The following CUL1 variants were observed in gnomAD, a reference collection of about 807,000 sequenced individuals.
CUL1 encodes cullin 1.
Under a neutral mutation model 118.0 loss-of-function variants are expected in CUL1, and 24 were observed. The ratio of observed to expected loss-of-function variants is 0.20; its 90% confidence interval spans 0.15 to 0.29. CUL1 has a LOEUF of 0.29. Ranked by LOEUF, CUL1 falls within the 10% of genes least tolerant of loss-of-function variation. The pLI is 1.00. For synonymous variants in CUL1, 332 were observed against 340.4 expected (o/e 0.98, Z 0.27); for missense variants, 361 against 933.8 (o/e 0.39, Z 7.99).
At chr7:148,749,640 CTCTT>C (rs1421116868) in intron 2 of CUL1, among the ~76,000 whole-genome samples, 5 of 152,138 alleles carry the variant, frequency 3.3e-5, no homozygotes, top group African/African-American at 9.7e-5. Flanking sequence ...TCCCCCATCT[CTCTT>C]TGGCCTTCCT....
At chr7:148,792,185 C>CAA (rs11340035) in intron 16 of CUL1, among the ~76,000 whole-genome samples, 2 of 143,724 alleles carry the variant, frequency 1.4e-5, no homozygotes, top group Non-Finnish European at 3.1e-5. Flanking sequence ...GACTTTGTCT[C>CAA]AAAAAAAAAA....
chr7:148,764,305 G>C (rs1324235708), intron 7 of CUL1, among the ~76,000 whole-genome samples: 1 of 152,190 alleles, frequency 6.6e-6, no homozygotes, highest in Non-Finnish European at 1.5e-5. Flanking sequence ...GAGCCTATTT[G>C]ACTTGGAATC....
At chr7:148,759,146 A>G (rs1431165356) in intron 4 of CUL1, among the ~76,000 whole-genome samples, 158 bp from the exon 5 acceptor site, 2 of 152,254 alleles carry the variant, frequency 1.3e-5, no homozygotes, top group African/African-American at 2.4e-5. Flanking sequence ...TGTTGACTCT[A>G]GAGAGTGGCT....
At chr7:148,725,219 G>GCGCACGCGCGCACACACACACACACACA in intron 1 of CUL1, among the ~76,000 whole-genome samples, 49 of 140,140 alleles carry the variant, frequency 3.5e-4, no homozygotes, top group African/African-American at 1.3e-3. Context: ...ACACGCGCGC[G>GCGCACGCGCGCACACACACACACACACA]CTCACACACA....
intron 2 of CUL1, among the ~76,000 whole-genome samples, chr7:148,739,344 CTG>C (rs1272811013): frequency 6.6e-6 from 1 of 152,204 alleles, no homozygotes; most frequent in African/African-American, 2.4e-5. Context: ...GAAGCTAAGA[CTG>C]TGTGTCATCA....
intron 3 of CUL1, among the ~76,000 whole-genome samples, chr7:148,755,933 C>A (rs889306796): frequency 1.3e-5 from 2 of 152,200 alleles, no homozygotes; most frequent in Non-Finnish European, 2.9e-5. Context: ...GTGGGCTCGC[C>A]CCAGCCCTTC....
In CUL1 at chr7:148,699,807, C is replaced by G. The variant is rs371674961; in HGVS notation, c.-162+778C>G. Among the ~76,000 whole-genome samples the G allele has an allele frequency of 3.9e-5, 6 of 152,190 alleles. No individual in the cohort carries two copies. The East Asian group carries it at 9.7e-4, about 25-fold the overall frequency. On this transcript the variant is annotated intron_variant, in intron 1 of 21. Coordinates refer to ENST00000325222, the MANE Select transcript of CUL1 (RefSeq NM_003592.3). Reference sequence around the variant, plus strand: ...CGGGCCGGGCCCTGCGCTGCGGCCTCGGCGCGCCCCCGGTCCCAACGGGAG... The same window carrying G: ...CGGGCCGGGCCCTGCGCTGCGGCCTGGGCGCGCCCCCGGTCCCAACGGGAG...
chr7:148,699,649 G>A (rs561186461), intron 1 of CUL1, among the ~76,000 whole-genome samples: 1 of 152,178 alleles, frequency 6.6e-6, no homozygotes, highest in Non-Finnish European at 1.5e-5. Context: ...AACGTGCAGG[G>A]CGCTATTATT....
intron 9 of CUL1, among the ~76,000 whole-genome samples, chr7:148,782,053 A>G (rs751261886): frequency 1.3e-5 from 2 of 152,190 alleles, no homozygotes; most frequent in Non-Finnish European, 2.9e-5. Flanking sequence ...TAGCGTTTCT[A>G]GCATTTTCCA....
intron 2 of CUL1, among the ~76,000 whole-genome samples, chr7:148,738,005 C>T (rs547640932): frequency 5.6e-4 from 85 of 152,278 alleles, no homozygotes; most frequent in African/African-American, 1.9e-3. Flanking sequence ...ATTTGGGAAA[C>T]AAGTGGTAGT....
At chr7:148,772,886 C>T (rs755043866) in intron 9 of CUL1, among the ~76,000 whole-genome samples, 24 of 152,176 alleles carry the variant, frequency 1.6e-4, no homozygotes, top group African/African-American at 4.6e-4. Flanking sequence ...CTGCCTGTCT[C>T]GGTAGCAAGC....
At position 148,759,459 on chromosome 7, in the gene CUL1, G is replaced by A. The variant is rs1799769905; in HGVS notation, c.535-89G>A. On this transcript the variant is annotated intron_variant, in intron 5 of 21. Coordinates refer to ENST00000325222, the MANE Select transcript of CUL1 (RefSeq NM_003592.3). ...CCTTCGGATTATCCCATCTTACATT[G>A]TTTAGTGGCTGTGAATGTTTAAGGG... 3 of 1,406,854 alleles carry A rather than the reference G, an allele frequency of 2.1e-6. No homozygotes were observed. The East Asian group carries it at 6.8e-5, about 32-fold the overall frequency. 87.1% of individuals were successfully genotyped at this position (1,406,854 alleles called of 1,614,324 possible).
At chr7:148,767,110 A>G (rs779627393) in intron 8 of CUL1, among the ~76,000 whole-genome samples, 19 of 152,198 alleles carry the variant, frequency 1.2e-4, no homozygotes, top group African/African-American at 3.4e-4. Flanking sequence ...TTTTTCTTCT[A>G]TGGTCCTCCT....
rs541869594 is a variant in CUL1 at position 148,748,186 on chromosome 7, C to T, written c.141-5790C>T. ...TAAAATAGAAAATACAAAACAGGAT[C>T]GTAGAAATTAATCCAAATAACAGTA... On this transcript the variant is annotated intron_variant, in intron 2 of 21. Coordinates refer to ENST00000325222, the MANE Select transcript of CUL1 (RefSeq NM_003592.3). Among the ~76,000 whole-genome samples, 9 of 152,066 alleles carry T rather than the reference C, an allele frequency of 5.9e-5. No individual in the cohort carries two copies. In the South Asian group the frequency reaches 1.7e-3, roughly 28 times the overall value.
intron 2 of CUL1, among the ~76,000 whole-genome samples, chr7:148,750,998 AAC>A (rs1491092022): frequency 3.1e-4 from 45 of 145,748 alleles, no homozygotes; most frequent in South Asian, 1.1e-3. Context: ...AAAAAAAAAA[AAC>A]AAAACAAAAC....
intron 20 of CUL1, 56 bp downstream of exon 20, chr7:148,798,733 G>C: frequency 7.1e-7 from 1 of 1,401,590 alleles, no homozygotes; most frequent in African/African-American, 1.4e-5. Flanking sequence ...GGGATGGCTC[G>C]CAAGGACGGG....
intron 2 of CUL1, among the ~76,000 whole-genome samples, chr7:148,737,439 ATTC>A (rs564665126): frequency 1.4e-3 from 207 of 151,958 alleles, no homozygotes; most frequent in African/African-American, 4.6e-3. Context: ...ACAGGACTTT[ATTC>A]TTTTATAACT....
chr7:148,798,048 C>A, intron 19 of CUL1, 29 bp downstream of exon 19: 1 of 1,369,114 alleles, frequency 7.3e-7, no homozygotes, highest in Non-Finnish European at 1.0e-6. Flanking sequence ...GTAGATGGCC[C>A]TTGACCATAG....
chr7:148,718,710 G>A (rs1308543626), intron 1 of CUL1, among the ~76,000 whole-genome samples: 2 of 132,008 alleles, frequency 1.5e-5, no homozygotes, highest in Non-Finnish European at 3.2e-5. Flanking sequence ...TCTTTGGGTG[G>A]ATGTATGATT....
Sources: allele counts gnomAD v4.1 joint callset (sites outside exome capture counted in the v4.1 genomes callset), GRCh38; gene constraint gnomAD v4.1.1; transcripts MANE v1.5; gene names NCBI Gene and HGNC (gene_info 2026-07-23, HGNC 2026-07-21).